The following ZNF678 variants were observed in gnomAD, a reference collection of about 807,000 sequenced individuals.
ZNF678 encodes the protein zinc finger protein 678, also known as hypothetical protein MGC42493.
In ZNF678, 5 loss-of-function variants were observed where a neutral mutation model predicts 3.0. The observed-to-expected ratio is 1.69, with a 90% CI of 0.88 to 3.56. The LOEUF (loss-of-function observed/expected upper bound fraction) is 3.56. Ranked by LOEUF, ZNF678 falls within the 30% of genes most tolerant of loss-of-function variation. The probability of loss-of-function intolerance (pLI) is 0.00; values close to 1 mark genes in which losing one functional copy is unlikely to be tolerated. For synonymous variants in ZNF678, 218 were observed against 199.6 expected (o/e 1.09, Z -0.78); for missense variants, 593 against 605.0 (o/e 0.98, Z 0.21).
intron 1 of ZNF678, among the ~76,000 whole-genome samples, chr1:227,618,737 G>GT (rs1053625785): frequency 3.3e-5 from 5 of 151,954 alleles, no homozygotes; most frequent in South Asian, 2.1e-4. Flanking sequence ...TTTTGTTTTT[G>GT]TTTTTTTGTT....
chr1:227,623,570 C>T (rs1195470082), intron 1 of ZNF678, among the ~76,000 whole-genome samples: 4 of 152,062 alleles, frequency 2.6e-5, no homozygotes, highest in Non-Finnish European at 5.9e-5. Flanking sequence ...AACATTAAGC[C>T]CTGAATTTTC....
At chr1:227,575,646 G>A (rs1027509742) in intron 1 of ZNF678, among the ~76,000 whole-genome samples, 8 of 152,194 alleles carry the variant, frequency 5.3e-5, no homozygotes, top group South Asian at 4.2e-4. Flanking sequence ...ATTTTGGGGC[G>A]AGACCGTGAG....
intron 1 of ZNF678, among the ~76,000 whole-genome samples, chr1:227,602,889 T>C (rs558873634): frequency 6.6e-6 from 1 of 152,314 alleles, no homozygotes; most frequent in South Asian, 2.1e-4. Context: ...CCAGCTTCTT[T>C]AGAGGCTGAG....
chr1:227,565,999 GA>G (rs1179607252), intron 1 of ZNF678, among the ~76,000 whole-genome samples: 9 of 152,114 alleles, frequency 5.9e-5, no homozygotes, highest in African/African-American at 2.2e-4. Flanking sequence ...CTGACCTCGT[GA>G]TCCGCCCACC....
At position 227,587,354 on chromosome 1, in the gene ZNF678, A is replaced by G. The variant is rs146027463; in HGVS notation, c.-164+23630A>G. Reference sequence around the variant, plus strand: ...GAGGCAAAACAAAACAAAACAAAACAAAACAAAAGACATACCCAGGGCAGT... The same window carrying G: ...GAGGCAAAACAAAACAAAACAAAACGAAACAAAAGACATACCCAGGGCAGT... On this transcript the variant is annotated intron_variant, in intron 1 of 3. Transcript: ENST00000343776. 3.4e-3 allele frequency among the ~76,000 whole-genome samples: 514 copies of G among 152,220 alleles called. 12 individuals are homozygous for G. Among genetic ancestry groups the G allele is most frequent in the South Asian group, 0.029 (142 of 4,820 alleles).
intron 1 of ZNF678, among the ~76,000 whole-genome samples, chr1:227,586,551 A>G (rs1404955027): frequency 2.0e-5 from 3 of 152,334 alleles, no homozygotes; most frequent in Admixed American, 2.0e-4. Flanking sequence ...AAGCAGATAA[A>G]CGAATTGATA....
chr1:227,603,397 C>T (rs1329628550), intron 1 of ZNF678, among the ~76,000 whole-genome samples: 1 of 152,168 alleles, frequency 6.6e-6, no homozygotes, highest in South Asian at 2.1e-4. Flanking sequence ...ACTTGTTTTA[C>T]TACCATAGAA....
At chr1:227,563,820 G>A (rs1468869028) in intron 1 of ZNF678, 96 bp downstream of exon 1, 1 of 1,174,212 alleles carries the variant, frequency 8.5e-7, no homozygotes, top group African/African-American at 1.6e-5. Flanking sequence ...GCACCTGTGG[G>A]ATCTGTCACC....
intron 1 of ZNF678, among the ~76,000 whole-genome samples, chr1:227,622,581 A>G (rs1658306498): frequency 6.6e-6 from 1 of 152,232 alleles, no homozygotes; most frequent in Admixed American, 6.5e-5. Context: ...GAGGCATACA[A>G]AAATATTTGT....
chr1:227,584,675 T>C (rs1657212704), intron 1 of ZNF678, among the ~76,000 whole-genome samples: 1 of 152,242 alleles, frequency 6.6e-6, no homozygotes, highest in Non-Finnish European at 1.5e-5. Flanking sequence ...TGTGCTCAAC[T>C]CTAAATACAG....
At position 227,650,960 on chromosome 1, in the gene ZNF678, TC is replaced by T. The variant is rs1239196454; in HGVS notation, c.-30del. On this transcript the variant is annotated 5_prime_UTR_variant, in exon 3 of 4. The change abolishes the stop of an existing upstream ORF in the 5' untranslated region. Transcript: ENST00000343776. ...TTGCCTAATTGTTCTGTCTAGGACT[TC>T]CAGGACTATGTTAAAATAGAAGCAT... 4.3e-6 allele frequency: 7 copies of T among 1,609,502 alleles called. No individual in the cohort carries two copies. Among genetic ancestry groups the T allele is most frequent in the Non-Finnish European group, 5.9e-6 (7 of 1,178,256 alleles).
intron 1 of ZNF678, among the ~76,000 whole-genome samples, chr1:227,626,104 C>T (rs1658406015): frequency 6.6e-6 from 1 of 152,142 alleles, no homozygotes; most frequent in South Asian, 2.1e-4. Flanking sequence ...AGTACAGCAG[C>T]ATGGAGGAGG....
intron 1 of ZNF678, among the ~76,000 whole-genome samples, chr1:227,642,964 T>C (rs58495621): frequency 0.23 from 34,544 of 152,114 alleles, 4,144 homozygotes; most frequent in African/African-American, 0.28. Context: ...GGAGCTGTCA[T>C]GGCTCCATCA....
At chr1:227,584,020 T>C (rs557298301) in intron 1 of ZNF678, among the ~76,000 whole-genome samples, 1 of 152,320 alleles carries the variant, frequency 6.6e-6, no homozygotes, top group African/African-American at 2.4e-5. Flanking sequence ...ACAATCTTTC[T>C]TATCAGGTAG....
In ZNF678 at chr1:227,655,999, C is replaced by T. The variant is rs545384691; in HGVS notation, c.*171C>T. 8.0e-6 allele frequency: 4 copies of T among 497,734 alleles called. No homozygotes were observed. Among genetic ancestry groups the T allele is most frequent in the Non-Finnish European group, 1.3e-5 (4 of 302,194 alleles). 30.8% of individuals were successfully genotyped at this position (497,734 alleles called of 1,614,324 possible). A position where few individuals can be genotyped will look rare whatever the true frequency, so the allele number is the denominator to read the frequency against. On this transcript the variant is annotated 3_prime_UTR_variant, in exon 4 of 4. Transcript: ENST00000343776. The stretch of plus-strand genomic sequence containing the variant: ...ACAATATCTTTATTTCAAAGATCTT[C>T]CTGTAAACAGAATCTGTACTAGAGG...
chr1:227,670,969 T>TTA (rs1553272886), intron 5 of ZNF678, among the ~76,000 whole-genome samples: 3 of 144,418 alleles, frequency 2.1e-5, no homozygotes, highest in African/African-American at 7.4e-5. Context: ...GGCCTTTTAT[T>TTA]TTTTTTTTTT....
intron 1 of ZNF678, among the ~76,000 whole-genome samples, chr1:227,614,837 A>G (rs913846115): frequency 6.6e-6 from 1 of 152,198 alleles, no homozygotes; most frequent in East Asian, 1.9e-4. Context: ...TGCACCCAGA[A>G]TGCCCACACA....
intron 1 of ZNF678, among the ~76,000 whole-genome samples, chr1:227,629,358 G>C (rs1230478243): frequency 1.3e-5 from 2 of 152,222 alleles, no homozygotes; most frequent in Admixed American, 1.3e-4. Flanking sequence ...CTATGTTCAG[G>C]TGTATAATGG....
intron 1 of ZNF678, among the ~76,000 whole-genome samples, chr1:227,587,783 A>G (rs1427124430): frequency 2.0e-5 from 3 of 149,364 alleles, no homozygotes; most frequent in African/African-American, 4.9e-5. Context: ...TCTACATTTT[A>G]GCCACTGTGG....
Sources: allele counts gnomAD v4.1 joint callset (sites outside exome capture counted in the v4.1 genomes callset), GRCh38; gene constraint gnomAD v4.1.1; transcripts MANE v1.5; gene names NCBI Gene and HGNC (gene_info 2026-07-23, HGNC 2026-07-21).